INPP5D: variants seen among roughly 807,000 people sequenced by gnomAD.
The protein encoded by INPP5D is inositol polyphosphate-5-phosphatase D, also known as phosphatidylinositol 3,4,5-trisphosphate 5-phosphatase 1.
In INPP5D, 33 loss-of-function variants were observed where a neutral mutation model predicts 122.9. The observed-to-expected ratio is 0.27, with a 90% CI of 0.20 to 0.36. The LOEUF is 0.36. Among genes scored for constraint, INPP5D ranks in the 10% least tolerant of loss-of-function variants. The pLI, the probability that INPP5D is intolerant of heterozygous loss-of-function variation, is 1.00. For missense variants in INPP5D, 1,053 were observed against 1,412.7 expected, an observed-to-expected ratio of 0.75 and a Z score of 4.08; for synonymous variants, 584 against 576.2, an observed-to-expected ratio of 1.01 and a Z score of -0.19.
At chr2:233,174,265 T>A (rs10179304) in intron 17 of INPP5D, among the ~76,000 whole-genome samples, 30,865 of 152,280 alleles carry the variant, frequency 0.2, 3,330 homozygotes, top group East Asian at 0.39. Context: ...TTTACACAGC[T>A]GGCAGTGCAG....
chr2:233,184,033 C>T (rs981291109), intron 19 of INPP5D, among the ~76,000 whole-genome samples: 1 of 152,146 alleles, frequency 6.6e-6, no homozygotes, highest in Non-Finnish European at 1.5e-5. Flanking sequence ...AACTCAGAAA[C>T]AGCATTGATC....
chr2:233,070,510 G>C (rs1366955678), intron 1 of INPP5D, among the ~76,000 whole-genome samples: 2 of 150,688 alleles, frequency 1.3e-5, no homozygotes, highest in Non-Finnish European at 2.9e-5. Flanking sequence ...GTGTGATCTT[G>C]GCTCACTGCA....
At chr2:233,200,334 G>A (rs1297718744) in intron 25 of INPP5D, among the ~76,000 whole-genome samples, 1 of 152,244 alleles carries the variant, frequency 6.6e-6, no homozygotes, top group African/African-American at 2.4e-5. Context: ...ACAGACAGAC[G>A]TGAAAGTGCA....
chr2:233,146,632 A>G (rs149355571), intron 8 of INPP5D, among the ~76,000 whole-genome samples, 194 bp downstream of exon 8: 31,151 of 152,198 alleles, frequency 0.2, 3,321 homozygotes, highest in East Asian at 0.32. Flanking sequence ...ACCCAGAGAC[A>G]ACTGGGAAAT....
At chr2:233,165,223 G>A (rs1227937379) in intron 13 of INPP5D, among the ~76,000 whole-genome samples, 2 of 152,188 alleles carry the variant, frequency 1.3e-5, no homozygotes, top group Admixed American at 1.3e-4. Flanking sequence ...GTCAATGTGT[G>A]AGCGTACCAC....
At chr2:233,096,943 A>G (rs977067692) in intron 2 of INPP5D, among the ~76,000 whole-genome samples, 1 of 152,196 alleles carries the variant, frequency 6.6e-6, no homozygotes, top group Non-Finnish European at 1.5e-5. Flanking sequence ...TTTGTGAATC[A>G]CCCATCCCAA....
intron 2 of INPP5D, among the ~76,000 whole-genome samples, chr2:233,080,945 C>T (rs750912711): frequency 2.6e-5 from 4 of 152,160 alleles, no homozygotes; most frequent in Admixed American, 6.5e-5. Flanking sequence ...TTAGGAGATG[C>T]GAGTTTAGGC....
intron 1 of INPP5D, 142 bp downstream of exon 1, chr2:233,060,754 G>A: frequency 8.3e-7 from 1 of 1,206,362 alleles, no homozygotes. Context: ...CATGGACCTT[G>A]TCCTTGGAGT....
intron 9 of INPP5D, among the ~76,000 whole-genome samples, chr2:233,152,188 T>C (rs148602645): frequency 0.011 from 1,664 of 152,102 alleles, 35 homozygotes; most frequent in African/African-American, 0.038. Flanking sequence ...GGGTAAGGTG[T>C]GTCCTTAGTG....
At chr2:233,131,983 A>C (rs904441660) in intron 5 of INPP5D, among the ~76,000 whole-genome samples, 3 of 152,230 alleles carry the variant, frequency 2.0e-5, no homozygotes, top group African/African-American at 7.2e-5. Context: ...TTCTTTGACA[A>C]ATCAAGCACT....
chr2:233,167,996 C>G (rs1288395078), intron 13 of INPP5D, among the ~76,000 whole-genome samples: 1 of 87,118 alleles, frequency 1.1e-5, no homozygotes, highest in African/African-American at 5.0e-5. Context: ...CAGAGTGAGA[C>G]TCTGTCTCCA....
At chr2:233,146,705 G>A (rs1289183203) in intron 8 of INPP5D, among the ~76,000 whole-genome samples, 1 of 152,186 alleles carries the variant, frequency 6.6e-6, no homozygotes, top group East Asian at 1.9e-4. Context: ...TGTAAACTTT[G>A]TCCTTCTCAA....
intron 2 of INPP5D, among the ~76,000 whole-genome samples, chr2:233,118,365 C>G (rs532903446): frequency 6.6e-6 from 1 of 152,328 alleles, no homozygotes; most frequent in Non-Finnish European, 1.5e-5. Context: ...TGAGGCCAGA[C>G]CATGCTCCTC....
intron 24 of INPP5D, among the ~76,000 whole-genome samples, chr2:233,196,471 T>C (rs1014892625): frequency 2.6e-5 from 4 of 152,142 alleles, no homozygotes; most frequent in African/African-American, 9.7e-5. Flanking sequence ...AATGGAGAGA[T>C]TCCAAGTCTA....
chr2:233,193,535 G>A (rs1295277531), intron 22 of INPP5D, among the ~76,000 whole-genome samples: 1 of 152,068 alleles, frequency 6.6e-6, no homozygotes, highest in African/African-American at 2.4e-5. Context: ...TCAAATCTTG[G>A]GAAGTTTTCA....
At chr2:233,193,171 G>A (rs1434966018) in intron 22 of INPP5D, among the ~76,000 whole-genome samples, 1 of 152,244 alleles carries the variant, frequency 6.6e-6, no homozygotes, top group Non-Finnish European at 1.5e-5. Context: ...TTACAGGCGT[G>A]AGCCACCACA....
chr2:233,163,163 C>A (rs759525095), intron 11 of INPP5D, among the ~76,000 whole-genome samples: 3 of 152,182 alleles, frequency 2.0e-5, no homozygotes, highest in Non-Finnish European at 4.4e-5. Context: ...TAGGGAGAAC[C>A]GTTCAAAATT....
At chr2:233,083,794 C>T (rs144237911) in intron 2 of INPP5D, among the ~76,000 whole-genome samples, 8 of 152,248 alleles carry the variant, frequency 5.3e-5, no homozygotes, top group African/African-American at 7.2e-5. Context: ...TCAGACGTGT[C>T]GCATAAATGG....
At chr2:233,146,082 G>A in intron 6 of INPP5D, 80 bp from the exon 7 acceptor site, 2 of 703,998 alleles carry the variant, frequency 2.8e-6, no homozygotes, top group Non-Finnish European at 5.2e-6. Context: ...GGGGTGAGGT[G>A]CAGAGAGAAC....
Sources: allele counts gnomAD v4.1 joint callset (sites outside exome capture counted in the v4.1 genomes callset), GRCh38; gene constraint gnomAD v4.1.1; transcripts MANE v1.5; gene names NCBI Gene and HGNC (gene_info 2026-07-23, HGNC 2026-07-21).